Variants in CSGALNACT1 observed in about 807,000 individuals in gnomAD.
CSGALNACT1 encodes the protein chondroitin sulfate N-acetylgalactosaminyltransferase 1.
CSGALNACT1 carries 52 observed loss-of-function variants against 51.0 expected under a neutral mutation model. That is an observed-to-expected ratio of 1.02 (90% CI 0.82 to 1.29). The LOEUF is 1.29. CSGALNACT1 is among the 50% of genes most tolerant of loss of function. The probability of loss-of-function intolerance (pLI) is 0.00; values close to 1 mark genes in which losing one functional copy is unlikely to be tolerated. For synonymous variants in CSGALNACT1, 341 were observed against 254.4 expected (o/e 1.34, Z -3.24); for missense variants, 935 against 679.2 (o/e 1.38, Z -4.19).
chr8:19,427,815 G>A (rs989674367), intron 6 of CSGALNACT1, among the ~76,000 whole-genome samples: 5 of 152,062 alleles, frequency 3.3e-5, no homozygotes, highest in African/African-American at 9.7e-5. Flanking sequence ...AAATTAGAGG[G>A]TGGCAATCTT....
At chr8:19,619,576 G>T (rs1263150630) in intron 1 of CSGALNACT1, among the ~76,000 whole-genome samples, 2 of 152,156 alleles carry the variant, frequency 1.3e-5, no homozygotes, top group Admixed American at 6.5e-5. Context: ...TGCCAGACTA[G>T]GGGCAGGTTC....
chr8:19,411,205 C>A (rs955841029), intron 8 of CSGALNACT1, among the ~76,000 whole-genome samples: 1 of 152,184 alleles, frequency 6.6e-6, no homozygotes, highest in East Asian at 1.9e-4. Context: ...ACCCTCCTGG[C>A]CCATGTTATG....
chr8:19,428,468 T>A (rs74552798), intron 6 of CSGALNACT1, among the ~76,000 whole-genome samples: 4 of 152,002 alleles, frequency 2.6e-5, no homozygotes, highest in Non-Finnish European at 4.4e-5. Flanking sequence ...CCATGAGAAC[T>A]GTGTGGGGGA....
chr8:19,511,355 T>C (rs2078433419), intron 3 of CSGALNACT1, among the ~76,000 whole-genome samples: 1 of 152,184 alleles, frequency 6.6e-6, no homozygotes, highest in Non-Finnish European at 1.5e-5. Flanking sequence ...GCACATACAA[T>C]CAGCTCTTTG....
chr8:19,734,524 T>C (rs368498728), intron 1 of CSGALNACT1, among the ~76,000 whole-genome samples: 33 of 152,324 alleles, frequency 2.2e-4, no homozygotes, highest in African/African-American at 7.9e-4. Context: ...TCTGAACCTC[T>C]ACTACTTCAA....
rs116770373 is a variant in CSGALNACT1 at position 19,595,723 on chromosome 8, T to C, written c.-415-4445A>G. The stretch of plus-strand genomic sequence containing the variant: ...TCAAAAACAAAAATTTAAGTAACAA[T>C]TGAACTGTTTGTTTCCAGAGGTTAT... On this transcript the variant is annotated intron_variant, in intron 2 of 9. Coordinates refer to ENST00000454498, the Ensembl canonical transcript of CSGALNACT1. 5.1e-3 allele frequency among the ~76,000 whole-genome samples: 773 copies of C among 152,168 alleles called. 8 individuals are homozygous for C. The highest frequency in any genetic ancestry group is 0.017 in the African/African-American group (717 of 41,520).
At chr8:19,742,512 G>C (rs574209278) in intron 1 of CSGALNACT1, among the ~76,000 whole-genome samples, 2 of 152,332 alleles carry the variant, frequency 1.3e-5, no homozygotes, top group Non-Finnish European at 2.9e-5. Context: ...CCTCCGCTGA[G>C]ACCTGGTCTG....
intron 1 of CSGALNACT1, among the ~76,000 whole-genome samples, chr8:19,634,020 C>G (rs2055667372): frequency 6.6e-6 from 1 of 152,158 alleles, no homozygotes. Flanking sequence ...GCCTAAAGGT[C>G]TACGGAAAAC....
At chr8:19,696,993 G>A (rs2061619186) in intron 1 of CSGALNACT1, among the ~76,000 whole-genome samples, 1 of 152,202 alleles carries the variant, frequency 6.6e-6, no homozygotes. Context: ...GGGGTTGCAA[G>A]GCAGGAGGTA....
At chr8:19,548,405 T>G (rs1404269449) in intron 3 of CSGALNACT1, among the ~76,000 whole-genome samples, 1 of 152,058 alleles carries the variant, frequency 6.6e-6, no homozygotes, top group African/African-American at 2.4e-5. Flanking sequence ...GACTAAAAAA[T>G]AGATTATTTT....
intron 1 of CSGALNACT1, among the ~76,000 whole-genome samples, chr8:19,665,209 G>A (rs181189746): frequency 9.1e-4 from 138 of 152,006 alleles, no homozygotes; most frequent in African/African-American, 3.2e-3. Context: ...AGACGGTGTC[G>A]TACCCCTTAA....
chr8:19,630,204 G>A (rs938716828), intron 1 of CSGALNACT1, among the ~76,000 whole-genome samples: 1 of 103,804 alleles, frequency 9.6e-6, no homozygotes, highest in Non-Finnish European at 1.9e-5. Flanking sequence ...CTGTGTGTGT[G>A]TGTGTGTGTG....
chr8:19,710,678 GT>G (rs2062452739), intron 1 of CSGALNACT1, among the ~76,000 whole-genome samples: 1 of 152,160 alleles, frequency 6.6e-6, no homozygotes, highest in African/African-American at 2.4e-5. Flanking sequence ...TGTTTGAAGG[GT>G]AAAAATCCTT....
At chr8:19,651,923 TTG>T (rs142595529) in intron 1 of CSGALNACT1, among the ~76,000 whole-genome samples, 477 of 43,434 alleles carry the variant, frequency 0.011, 3 homozygotes, top group East Asian at 0.076. Context: ...CTGTTTTTTT[TTG>T]TTTTGTTTTG....
Position 19,458,408 on chromosome 8 carries a change from A to G in CSGALNACT1, c.851+18T>C, listed in dbSNP as rs377329326. On this transcript the variant is annotated intron_variant, in intron 5 of 9. Coordinates refer to ENST00000454498, the Ensembl canonical transcript of CSGALNACT1. ...ACACATCATGCGGAGGAAGATAAAC[A>G]CGTGCGAACAAACCAACCTGAAATT... is the stretch of plus-strand genomic sequence containing the variant. The G allele has an allele frequency of 2.5e-6, 4 of 1,592,442 alleles. No homozygotes were observed. In the African/African-American group the frequency reaches 5.4e-5, roughly 21 times the overall value.
intron 3 of CSGALNACT1, among the ~76,000 whole-genome samples, chr8:19,544,259 C>G (rs553943822): frequency 6.6e-6 from 1 of 152,138 alleles, no homozygotes; most frequent in Non-Finnish European, 1.5e-5. Context: ...GCCACCACCA[C>G]TGAGACCACA....
At chr8:19,743,869 C>T (rs1191067178) in intron 1 of CSGALNACT1, among the ~76,000 whole-genome samples, 1 of 152,040 alleles carries the variant, frequency 6.6e-6, no homozygotes, top group Non-Finnish European at 1.5e-5. Flanking sequence ...GTTTCATAAT[C>T]TTTGTAGCAT....
At chr8:19,467,733 C>G (rs2067051240) in intron 4 of CSGALNACT1, among the ~76,000 whole-genome samples, 1 of 152,020 alleles carries the variant, frequency 6.6e-6, no homozygotes, top group South Asian at 2.1e-4. Flanking sequence ...GCCTGCAATC[C>G]CAGAATTTTG....
intron 7 of CSGALNACT1, among the ~76,000 whole-genome samples, chr8:19,418,974 G>A (rs1305265676): frequency 1.3e-5 from 2 of 152,080 alleles, no homozygotes; most frequent in Non-Finnish European, 2.9e-5. Context: ...AGCCTCTTGA[G>A]TAGCTGAGAT....
Sources: allele counts gnomAD v4.1 joint callset (sites outside exome capture counted in the v4.1 genomes callset), GRCh38; gene constraint gnomAD v4.1.1; transcripts MANE v1.5; gene names NCBI Gene and HGNC (gene_info 2026-07-23, HGNC 2026-07-21).